NRCAM: variants seen among roughly 807,000 people sequenced by gnomAD.
NRCAM encodes the protein neuronal cell adhesion molecule.
NRCAM carries 83 observed loss-of-function variants against 156.5 expected under a neutral mutation model. The ratio of observed to expected loss-of-function variants is 0.53; its 90% CI spans 0.44 to 0.64. The LOEUF (loss-of-function observed/expected upper bound fraction) is 0.64. Among genes scored for constraint, NRCAM ranks in the 30% least tolerant of loss-of-function variants. The probability of loss-of-function intolerance (pLI) is 0.00; values close to 1 mark genes in which losing one functional copy is unlikely to be tolerated. For synonymous variants in NRCAM, 538 were observed against 563.9 expected (o/e 0.95, Z 0.65); for missense variants, 1,417 against 1,597.3 (o/e 0.89, Z 1.92).
intron 1 of NRCAM, among the ~76,000 whole-genome samples, chr7:108,404,699 C>G (rs1173450285): frequency 6.6e-6 from 1 of 152,138 alleles, no homozygotes; most frequent in Non-Finnish European, 1.5e-5. Flanking sequence ...ATGAGGTATG[C>G]AATTTCAATA....
intron 2 of NRCAM, among the ~76,000 whole-genome samples, chr7:108,353,009 C>A (rs1353095947): frequency 6.6e-6 from 1 of 151,010 alleles, no homozygotes; most frequent in African/African-American, 2.4e-5. Flanking sequence ...TTTTTTCCCA[C>A]ACATGTATTT....
intron 2 of NRCAM, among the ~76,000 whole-genome samples, chr7:108,339,288 G>A (rs2099246793): frequency 6.6e-6 from 1 of 152,192 alleles, no homozygotes; most frequent in Non-Finnish European, 1.5e-5. Context: ...TTGATAGGGA[G>A]ACTCTTGTGG....
chr7:108,232,286 C>CTTTA, intron 7 of NRCAM, 40 bp downstream of exon 7: 1 of 1,467,538 alleles, frequency 6.8e-7, no homozygotes. Context: ...TGGAGCAATA[C>CTTTA]TTTAAAAAGG....
intron 25 of NRCAM, 131 bp downstream of exon 25, chr7:108,180,092 T>C (rs750334135): frequency 1.4e-6 from 1 of 715,218 alleles, no homozygotes; most frequent in East Asian, 2.7e-5. Context: ...GTGTGTGCTG[T>C]ATTCATCTAT....
intron 3 of NRCAM, among the ~76,000 whole-genome samples, chr7:108,265,633 T>C (rs1479281794): frequency 1.3e-5 from 2 of 152,256 alleles, no homozygotes; most frequent in Non-Finnish European, 2.9e-5. Context: ...AAGCACTTAC[T>C]GTGTGCCAGG....
intron 2 of NRCAM, among the ~76,000 whole-genome samples, chr7:108,398,088 C>G (rs1295390999): frequency 6.6e-6 from 1 of 152,184 alleles, no homozygotes; most frequent in Non-Finnish European, 1.5e-5. Flanking sequence ...GTGAATGTTT[C>G]TAGTTCTGAA....
chr7:108,413,738 ATATT>A lies in NRCAM; in HGVS notation c.-331-14149_-331-14146del, dbSNP rs907887454. ...AATAAATATTTATCAAACATTTATTATATTTAGTTATCCAGCCAATAGAAATTCA... is the reference window on the plus strand; with the variant it reads ...AATAAATATTTATCAAACATTTATTATAGTTATCCAGCCAATAGAAATTCA... On this transcript the variant is annotated intron_variant, in intron 1 of 32. Transcript: ENST00000379028. 1.2e-3 allele frequency among the ~76,000 whole-genome samples: 178 copies of A among 152,326 alleles called. 1 individual carries two copies. Among genetic ancestry groups the A allele is most frequent in the African/African-American group, 3.9e-3 (161 of 41,582 alleles).
chr7:108,355,579 A>C (rs1447951232), intron 2 of NRCAM, among the ~76,000 whole-genome samples: 1 of 152,232 alleles, frequency 6.6e-6, no homozygotes, highest in African/African-American at 2.4e-5. Flanking sequence ...AAAGTTCCAG[A>C]AATAATCCAT....
At chr7:108,356,555 C>A (rs753483127) in intron 2 of NRCAM, among the ~76,000 whole-genome samples, 1 of 151,804 alleles carries the variant, frequency 6.6e-6, no homozygotes, top group Non-Finnish European at 1.5e-5. Context: ...ATCTGTTTAA[C>A]GAGGAGCTAT....
chr7:108,197,209 T>C (rs1226394795), intron 14 of NRCAM, among the ~76,000 whole-genome samples: 1 of 152,150 alleles, frequency 6.6e-6, no homozygotes, highest in African/African-American at 2.4e-5. Flanking sequence ...CAGCCAAAAG[T>C]GCTTTCTCAA....
chr7:108,293,480 T>G (rs375813193), intron 3 of NRCAM, among the ~76,000 whole-genome samples: 4 of 152,198 alleles, frequency 2.6e-5, no homozygotes, highest in Non-Finnish European at 5.9e-5. Context: ...ATCTGCTAAA[T>G]TGACAAGCAA....
chr7:108,338,044 T>C (rs531510970), intron 2 of NRCAM, among the ~76,000 whole-genome samples: 2 of 152,168 alleles, frequency 1.3e-5, no homozygotes, highest in African/African-American at 2.4e-5. Context: ...CCCTTCTGGG[T>C]TGGGAATGTT....
chr7:108,215,303 C>T (rs926672793), intron 11 of NRCAM, among the ~76,000 whole-genome samples: 14 of 150,848 alleles, frequency 9.3e-5, no homozygotes, highest in African/African-American at 3.4e-4. Flanking sequence ...AGCTCCGCAT[C>T]CTGGGTTCAC....
intron 3 of NRCAM, among the ~76,000 whole-genome samples, chr7:108,296,435 T>C (rs536558705): frequency 1.3e-5 from 2 of 152,224 alleles, no homozygotes; most frequent in Admixed American, 6.5e-5. Flanking sequence ...CCCTGGCACA[T>C]GGAAGAATAT....
chr7:108,212,914 T>C (rs1314918804), intron 11 of NRCAM, among the ~76,000 whole-genome samples: 3 of 152,108 alleles, frequency 2.0e-5, no homozygotes, highest in Non-Finnish European at 4.4e-5. Context: ...GGAAAACTCA[T>C]CTCAAAAAGA....
chr7:108,216,598 A>G (rs1234073922), intron 11 of NRCAM, among the ~76,000 whole-genome samples: 4 of 151,860 alleles, frequency 2.6e-5, no homozygotes, highest in Admixed American at 6.6e-5. Context: ...TTTCTTGGAG[A>G]CTTCATTCAT....
At chr7:108,407,536 A>G (rs1430277493) in intron 1 of NRCAM, among the ~76,000 whole-genome samples, 1 of 152,212 alleles carries the variant, frequency 6.6e-6, no homozygotes, top group Non-Finnish European at 1.5e-5. Flanking sequence ...CTCAGAGCAC[A>G]GCCAGCCCAA....
chr7:108,432,280 C>A (rs1199012946), intron 1 of NRCAM, among the ~76,000 whole-genome samples: 2 of 152,172 alleles, frequency 1.3e-5, no homozygotes, highest in African/African-American at 4.8e-5. Flanking sequence ...ACTTAAAATG[C>A]AATTAATGGC....
chr7:108,427,945 C>T (rs1485481018), intron 1 of NRCAM, among the ~76,000 whole-genome samples: 1 of 152,128 alleles, frequency 6.6e-6, no homozygotes, highest in Non-Finnish European at 1.5e-5. Context: ...TCATAACCTG[C>T]CAATTAGGAA....
Sources: gnomAD v4.1 joint callset for allele counts (sites outside exome capture counted in the v4.1 genomes callset) on GRCh38, gnomAD v4.1.1 for gene constraint, MANE v1.5 for transcripts, NCBI Gene and HGNC (gene_info 2026-07-23, HGNC 2026-07-21) for gene names.